Variants in NBAS observed in about 807,000 individuals in gnomAD.
The protein encoded by NBAS is NAG/BC035112 fusion.
A neutral mutation model predicts 302.5 loss-of-function variants in NBAS; 219 were observed. The observed-to-expected ratio is 0.72, with a 90% CI of 0.65 to 0.81. NBAS has a LOEUF of 0.81. NBAS is among the 30% of genes least tolerant of loss of function. The pLI, the probability that NBAS is intolerant of heterozygous loss-of-function variation, is 0.00. For synonymous variants in NBAS, 1,118 were observed against 1,021.6 expected (o/e 1.09, Z -1.80); for missense variants, 2,932 against 2,841.6 (o/e 1.03, Z -0.72).
chr2:15,087,139 A>T, the NBAS span, among the ~76,000 whole-genome samples: 2 of 151,328 alleles, frequency 1.3e-5, no homozygotes, highest in African/African-American at 4.9e-5. Flanking sequence ...CCACACCATC[A>T]GCTCTCCTAG....
the NBAS span, among the ~76,000 whole-genome samples, chr2:15,008,283 A>G: frequency 3.3e-4 from 50 of 152,356 alleles, no homozygotes; most frequent in South Asian, 8.3e-4. Flanking sequence ...CTGTCTCTCC[A>G]GAGCACAGAG....
intron 21 of NBAS, among the ~76,000 whole-genome samples, chr2:15,448,485 T>G (rs1181179133): frequency 6.6e-6 from 1 of 152,184 alleles, no homozygotes; most frequent in Non-Finnish European, 1.5e-5. Context: ...ACAGCTAGCA[T>G]GTACTCACAC....
the NBAS span, among the ~76,000 whole-genome samples, chr2:14,789,138 T>C: frequency 6.6e-6 from 1 of 152,198 alleles, no homozygotes; most frequent in Admixed American, 6.5e-5. Flanking sequence ...CTCTGAGCCA[T>C]GTGCGGGATA....
At chr2:15,358,935 C>T (rs1056454147) in intron 32 of NBAS, among the ~76,000 whole-genome samples, 1 of 152,128 alleles carries the variant, frequency 6.6e-6, no homozygotes, top group African/African-American at 2.4e-5. Flanking sequence ...AAAGTGAAAA[C>T]ATTTGAGCTA....
chr2:15,157,882 A>G, the NBAS span, among the ~76,000 whole-genome samples: 15 of 152,158 alleles, frequency 9.9e-5, no homozygotes, highest in African/African-American at 3.1e-4. Context: ...TAAAATGAAC[A>G]TAAGAGTATC....
intron 21 of NBAS, among the ~76,000 whole-genome samples, chr2:15,438,743 G>A (rs1201481391): frequency 6.6e-6 from 1 of 152,160 alleles, no homozygotes; most frequent in African/African-American, 2.4e-5. Context: ...TACAGACAAT[G>A]GATCAGAGAA....
the NBAS span, among the ~76,000 whole-genome samples, chr2:14,823,917 C>T: frequency 6.6e-6 from 1 of 152,146 alleles, no homozygotes; most frequent in Non-Finnish European, 1.5e-5. Flanking sequence ...AGAAACAGAA[C>T]AGAAGAAAAC....
At chr2:15,451,346 C>T (rs1222321606) in intron 21 of NBAS, among the ~76,000 whole-genome samples, 1 of 152,280 alleles carries the variant, frequency 6.6e-6, no homozygotes, top group East Asian at 1.9e-4. Flanking sequence ...CCACCGCATC[C>T]AGCCAATTTA....
At chr2:14,974,066 T>C in the NBAS span, among the ~76,000 whole-genome samples, 2 of 152,224 alleles carry the variant, frequency 1.3e-5, no homozygotes, top group Admixed American at 6.5e-5. Context: ...CTCACTCTTT[T>C]TAATTCCCAT....
intron 35 of NBAS, among the ~76,000 whole-genome samples, chr2:15,331,318 C>G (rs1672337743): frequency 6.6e-6 from 1 of 152,136 alleles, no homozygotes; most frequent in Admixed American, 6.5e-5. Context: ...TTGAAGCAAT[C>G]AGCTGAAATT....
chr2:15,415,967 T>C (rs1212005261), intron 24 of NBAS, among the ~76,000 whole-genome samples: 2 of 152,148 alleles, frequency 1.3e-5, no homozygotes, highest in Non-Finnish European at 2.9e-5. Flanking sequence ...CTCATCTCTT[T>C]ACATCATAAG....
chr2:15,441,573 C>G (rs559861725), intron 21 of NBAS, among the ~76,000 whole-genome samples: 284 of 151,834 alleles, frequency 1.9e-3, no homozygotes, highest in African/African-American at 6.7e-3. Flanking sequence ...TAAAGACCAT[C>G]GAGACTAGGA....
chr2:15,218,970 T>C lies in NBAS; in HGVS notation c.6237-2A>G. ...TCCTCAGGTGAAACCAGCTCCTCAC[T>C]GCAGGGCAAAATCCAGAGGTATCTG... On this transcript the variant is annotated splice_acceptor_variant, in intron 47 of 51. Transcript: ENST00000281513. LOFTEE classifies it high-confidence loss of function. 1 of 1,614,240 alleles carries C rather than the reference T, an allele frequency of 6.2e-7. No individual in the cohort carries two copies. Among genetic ancestry groups the C allele is most frequent in the South Asian group, 1.1e-5 (1 of 91,084 alleles).
At chr2:14,815,848 A>G in the NBAS span, among the ~76,000 whole-genome samples, 3 of 152,286 alleles carry the variant, frequency 2.0e-5, no homozygotes, top group Non-Finnish European at 2.9e-5. Context: ...CAACATAACT[A>G]TCTACCCAGA....
the NBAS span, among the ~76,000 whole-genome samples, chr2:14,931,382 G>A: frequency 5.9e-5 from 9 of 152,134 alleles, no homozygotes; most frequent in East Asian, 1.9e-4. Flanking sequence ...GTAGACAAAC[G>A]GCCCCCTTGT....
the NBAS span, among the ~76,000 whole-genome samples, chr2:14,789,977 T>C: frequency 6.6e-6 from 1 of 152,246 alleles, no homozygotes; most frequent in Non-Finnish European, 1.5e-5. Flanking sequence ...GAGCCATCCT[T>C]GGAATGGCAA....
chr2:15,526,763 T>C (rs936491798), intron 9 of NBAS, among the ~76,000 whole-genome samples: 1 of 152,138 alleles, frequency 6.6e-6, no homozygotes, highest in Non-Finnish European at 1.5e-5. Flanking sequence ...TGTGGTTTGA[T>C]AATATATCAA....
At chr2:15,102,515 G>C in the NBAS span, among the ~76,000 whole-genome samples, 3 of 152,186 alleles carry the variant, frequency 2.0e-5, no homozygotes, top group Admixed American at 1.3e-4. Context: ...AGTTACTTCT[G>C]CTCTTATCTA....
chr2:15,186,751 C>A lies in NBAS; in HGVS notation c.6702G>T (p.Leu2234=), dbSNP rs61738698. ...CAAAATATCCACTCACCTCTGCAGG[C>A]AGCATCTGCTTGGTGTTATACAAAG... The part of the protein sequence containing the change: ...CRSLYNTKQM[L]PAEGVKELCL... Residue 2234 remains leucine (L), a synonymous_variant, in exon 50 of 52, where the codon CTG becomes CTT. Transcript: ENST00000281513. 3.7e-4 allele frequency: 600 copies of A among 1,613,854 alleles called. 4 individuals carry two copies. The African/African-American group carries it at 6.8e-3, about 18-fold the overall frequency.
Sources: gnomAD v4.1 joint callset for allele counts (sites outside exome capture counted in the v4.1 genomes callset) on GRCh38, gnomAD v4.1.1 for gene constraint, MANE v1.5 for transcripts, NCBI Gene and HGNC (gene_info 2026-07-23, HGNC 2026-07-21) for gene names.